The following PTPRQ variants were observed in gnomAD, a reference collection of about 807,000 sequenced individuals.
PTPRQ encodes the protein phosphatidylinositol phosphatase PTPRQ.
A neutral mutation model predicts 246.0 loss-of-function variants in PTPRQ; 199 were observed. That is an observed-to-expected ratio of 0.81 (90% CI 0.72 to 0.91). The LOEUF is 0.91. Among genes scored for constraint, PTPRQ ranks in the 40% least tolerant of loss-of-function variants. PTPRQ has a pLI of 0.00. For synonymous variants in PTPRQ, 869 were observed against 853.2 expected (o/e 1.02, Z -0.32); for missense variants, 2,624 against 2,528.4 (o/e 1.04, Z -0.81).
At chr12:80,653,373 C>T (rs772409853) in intron 38 of PTPRQ, among the ~76,000 whole-genome samples, 1 of 152,084 alleles carries the variant, frequency 6.6e-6, no homozygotes, top group Non-Finnish European at 1.5e-5. Context: ...AGTGTTATTG[C>T]TTAAAGAATT....
At chr12:80,485,357 A>C (rs1894239245) in intron 9 of PTPRQ, among the ~76,000 whole-genome samples, 1 of 152,162 alleles carries the variant, frequency 6.6e-6, no homozygotes, top group Non-Finnish European at 1.5e-5. Context: ...TTCAAAGAAT[A>C]AACTTCCTTA....
chr12:80,628,940 GGT>G (rs1899309610), intron 33 of PTPRQ, among the ~76,000 whole-genome samples: 1 of 152,000 alleles, frequency 6.6e-6, no homozygotes, highest in Non-Finnish European at 1.5e-5. Context: ...TCATAGATGG[GGT>G]GTGTTAAACA....
intron 39 of PTPRQ, among the ~76,000 whole-genome samples, chr12:80,662,330 A>C (rs2121262167): frequency 6.6e-6 from 1 of 152,126 alleles, no homozygotes; most frequent in East Asian, 1.9e-4. Context: ...CAATATTTAA[A>C]TTACTTTTTT....
chr12:80,494,831 A>G, intron 10 of PTPRQ, 102 bp from the exon 11 acceptor site: 1 of 1,214,532 alleles, frequency 8.2e-7, no homozygotes, highest in Middle Eastern at 2.8e-4. Flanking sequence ...ATTAATGAAT[A>G]CGGAGAAATC....
intron 17 of PTPRQ, among the ~76,000 whole-genome samples, chr12:80,526,573 C>T (rs1462110621): frequency 6.6e-6 from 1 of 152,060 alleles, no homozygotes; most frequent in East Asian, 1.9e-4. Context: ...AAGTTTTGCC[C>T]ATCCTCCAAG....
At chr12:80,621,504 A>G (rs1398540524) in intron 32 of PTPRQ, among the ~76,000 whole-genome samples, 1 of 151,838 alleles carries the variant, frequency 6.6e-6, no homozygotes, top group Non-Finnish European at 1.5e-5. Flanking sequence ...TCTTTTTGTA[A>G]TTTTTAAGCT....
rs1894621795 is a variant in PTPRQ, at chr12:80,496,366, T to C, written c.2107T>C (p.Tyr703His). Residue 703 changes from tyrosine to histidine, a missense_variant, in exon 14 of 45, where the codon TAT becomes CAT. Transcript: ENST00000644991. ...GATCATTATTGCTTATGAAGTGCTA[T>C]ATAAAAATATAGATACTTTATATAT... is the stretch of plus-strand genomic sequence containing the variant. ...NGIIIAYEVLYKNIDTLYMKN... is the reference protein window; with the variant it reads ...NGIIIAYEVLHKNIDTLYMKN... 2 of 1,550,642 alleles carry C rather than the reference T, an allele frequency of 1.3e-6. No homozygotes were observed. Among genetic ancestry groups the C allele is most frequent in the East Asian group, 4.9e-5 (2 of 40,880 alleles).
intron 17 of PTPRQ, among the ~76,000 whole-genome samples, chr12:80,531,182 G>T (rs1762857819): frequency 6.6e-6 from 1 of 151,892 alleles, no homozygotes; most frequent in Non-Finnish European, 1.5e-5. Context: ...AAGCCTGAAA[G>T]TTAACTCATA....
chr12:80,480,255 A>G, intron 8 of PTPRQ, among the ~76,000 whole-genome samples: 1 of 152,294 alleles, frequency 6.6e-6, no homozygotes, highest in East Asian at 1.9e-4. Flanking sequence ...AAACTGAACA[A>G]CCTGCTCCTG....
intron 12 of PTPRQ, among the ~76,000 whole-genome samples, 164 bp downstream of exon 12, chr12:80,495,535 T>C (rs977218343): frequency 2.0e-5 from 3 of 152,014 alleles, no homozygotes; most frequent in Admixed American, 1.3e-4. Context: ...AATACCTGCA[T>C]ACATAACTCG....
At chr12:80,650,335 G>A (rs1424510295) in intron 37 of PTPRQ, among the ~76,000 whole-genome samples, 2 of 150,794 alleles carry the variant, frequency 1.3e-5, no homozygotes, top group African/African-American at 2.4e-5. Context: ...TTAACATTTT[G>A]TATATCTATA....
At chr12:80,456,804 G>C (rs1356897619) in intron 3 of PTPRQ, among the ~76,000 whole-genome samples, 1 of 152,100 alleles carries the variant, frequency 6.6e-6, no homozygotes, top group Non-Finnish European at 1.5e-5. Flanking sequence ...ATCCTGTTAA[G>C]TATTTTACAT....
intron 36 of PTPRQ, 32 bp downstream of exon 36, chr12:80,648,955 T>A: frequency 1.3e-6 from 2 of 1,492,186 alleles, no homozygotes; most frequent in South Asian, 2.7e-5. Context: ...TTTCTTCTTT[T>A]TGAATATCAA....
At chr12:80,577,016 T>G (rs1897293863) in intron 25 of PTPRQ, among the ~76,000 whole-genome samples, 1 of 152,350 alleles carries the variant, frequency 6.6e-6, no homozygotes, top group South Asian at 2.1e-4. Context: ...GATAATTAAG[T>G]TGGCTTTCTA....
intron 25 of PTPRQ, chr12:80,561,492 G>A (rs931728864): frequency 2.6e-5 from 4 of 152,242 alleles, no homozygotes; most frequent in African/African-American, 9.7e-5. Context: ...CCATACCTTT[G>A]GAAAACCATG....
At chr12:80,592,299 G>C (rs1161806073) in intron 26 of PTPRQ, among the ~76,000 whole-genome samples, 1 of 152,006 alleles carries the variant, frequency 6.6e-6, no homozygotes, top group African/African-American at 2.4e-5. Context: ...ACGATGAGTT[G>C]GTTACTCGTC....
chr12:80,652,872 AT>A, intron 38 of PTPRQ, 38 bp downstream of exon 38: 1 of 1,429,552 alleles, frequency 7.0e-7, no homozygotes, highest in Non-Finnish European at 9.1e-7. Flanking sequence ...GCTAGGAAAT[AT>A]TTTTAAATGC....
intron 9 of PTPRQ, among the ~76,000 whole-genome samples, chr12:80,487,854 C>G (rs745845572): frequency 6.6e-6 from 1 of 151,964 alleles, no homozygotes; most frequent in Non-Finnish European, 1.5e-5. Flanking sequence ...CAATTATAAT[C>G]GCGCAGTTTC....
At chr12:80,602,952 A>G (rs571620729) in intron 26 of PTPRQ, among the ~76,000 whole-genome samples, 2 of 151,858 alleles carry the variant, frequency 1.3e-5, no homozygotes, top group African/African-American at 4.8e-5. Context: ...TTTGCCAGAT[A>G]GGCCTCTCAG....
Sources: allele counts gnomAD v4.1 joint callset (sites outside exome capture counted in the v4.1 genomes callset), GRCh38; gene constraint gnomAD v4.1.1; transcripts MANE v1.5; gene names NCBI Gene and HGNC (gene_info 2026-07-23, HGNC 2026-07-21).